SOX8: variants seen among roughly 807,000 people sequenced by gnomAD.
The protein encoded by SOX8 is SRY-box transcription factor 8.
SOX8 carries 9 observed loss-of-function variants against 22.9 expected under a neutral mutation model. The ratio of observed to expected loss-of-function variants is 0.39; its 90% confidence interval spans 0.24 to 0.69. SOX8 has a LOEUF of 0.69. Ranked by LOEUF, SOX8 falls within the 30% of genes least tolerant of loss-of-function variation. SOX8 has a pLI of 0.43. For synonymous variants in SOX8, 416 were observed against 330.6 expected (o/e 1.26, Z -2.80); for missense variants, 734 against 699.4 (o/e 1.05, Z -0.56).
intron 1 of SOX8, 61 bp downstream of exon 1, chr16:982,405 C>T: frequency 1.0e-5 from 13 of 1,283,224 alleles, no homozygotes; most frequent in Non-Finnish European, 1.3e-5. Flanking sequence ...TCTCGGACTG[C>T]GAGCGGGGGC....
rs748485053 is a variant in SOX8 at position 984,835 on chromosome 16, G to T, written c.790G>T (p.Val264Leu). 1 of 1,611,704 alleles carries T rather than the reference G, an allele frequency of 6.2e-7. No homozygotes were observed. Among genetic ancestry groups the T allele is most frequent in the Non-Finnish European group, 8.5e-7 (1 of 1,179,302 alleles). ...SGRQNIDFSN[V>L]DISELSSEVM... ...GCGCCAGAACATCGACTTCAGCAAC[G>T]TGGACATCTCGGAGCTCAGCAGCGA... Residue 264 changes from valine to leucine, a missense_variant, in exon 3 of 3, where the codon GTG (valine) becomes TTG (leucine). By Grantham distance (32) the Val-to-Leu change is conservative. Coordinates refer to ENST00000293894, the MANE Select transcript of SOX8 (RefSeq NM_014587.5).
chr16:983,609 GT>G (rs1327233088), intron 1 of SOX8, 118 bp from the exon 2 acceptor site: 2 of 914,862 alleles, frequency 2.2e-6, no homozygotes, highest in Non-Finnish European at 3.2e-6. Flanking sequence ...CGGCAGGCGG[GT>G]TTCCCTGGTC....
At chr16:984,637 T>C in intron 2 of SOX8, 64 bp from the exon 3 acceptor site, 4 of 1,094,662 alleles carry the variant, frequency 3.7e-6, no homozygotes, top group Non-Finnish European at 5.0e-6. Flanking sequence ...CCTTCCAGCC[T>C]GGCCGGCCCC....
In SOX8 at chr16:982,296, C is replaced by T; in HGVS notation, c.374C>T (p.Pro125Leu). The change falls in exon 1 of 3, where the codon CCG (proline) becomes CTG (leucine). Residue 125 changes from proline to leucine, a missense_variant. Transcript: ENST00000293894. ...AARRKLADQY[P>L]HLHNAELSKT... ...CGCCGCAAGCTGGCCGACCAGTACCCGCACCTGCACAACGCCGAGCTCAGC... is the reference window on the plus strand; with the variant it reads ...CGCCGCAAGCTGGCCGACCAGTACCTGCACCTGCACAACGCCGAGCTCAGC... 2 of 1,480,560 alleles carry T rather than the reference C, an allele frequency of 1.4e-6. No homozygotes were observed. Among genetic ancestry groups the T allele is most frequent in the Non-Finnish European group, 1.8e-6 (2 of 1,113,678 alleles). The allele number at this position is 1,480,560 out of a possible 1,614,324, so 91.7% of individuals were successfully genotyped here. A position where few individuals can be genotyped will look rare whatever the true frequency, so the allele number is the denominator to read the frequency against.
rs988186917 is a variant in SOX8 at position 984,912 on chromosome 16, G to A, written c.867G>A (p.Leu289=). 13 of 1,606,700 alleles carry A rather than the reference G, an allele frequency of 8.1e-6. No individual in the cohort carries two copies. The highest frequency in any genetic ancestry group is 1.1e-5 in the Non-Finnish European group (13 of 1,176,494). ...AFDVHEFDQY[L]PLGGPAPPEP... The stretch of plus-strand genomic sequence containing the variant: ...ACGTCCACGAGTTCGACCAGTACCT[G>A]CCCCTGGGCGGCCCCGCCCCACCCG... Residue 289 remains leucine (L), a synonymous_variant, in exon 3 of 3, where the codon CTG becomes CTA. Coordinates refer to ENST00000293894, the MANE Select transcript of SOX8 (RefSeq NM_014587.5).
Position 983,832 on chromosome 16 carries a change from G to C in SOX8, c.527G>C (p.Arg176Thr), listed in dbSNP as rs760421925. ...GACTACAAGTACCAGCCACGGCGCA[G>C]GAAGAGCGCCAAAGCCGGCCACAGC... Reference protein sequence around the residue: ...HPDYKYQPRRRKSAKAGHSDS... With the variant: ...HPDYKYQPRRTKSAKAGHSDS... The change falls in exon 2 of 3, where the codon AGG becomes ACG. Residue 176 changes from arginine (R) to threonine (T), a missense_variant. Around this residue, in one of 3 missense-constraint regions of SOX8, gnomAD observed 588 missense variants for 568.2 expected, o/e 1.03. Transcript: ENST00000293894. 6.8e-6 allele frequency: 11 copies of C among 1,612,706 alleles called. No homozygotes were observed. Among genetic ancestry groups the C allele is most frequent in the Non-Finnish European group, 8.5e-6 (10 of 1,179,832 alleles).
intron 1 of SOX8, chr16:983,454 T>A (rs564525440): frequency 3.9e-5 from 13 of 331,858 alleles, no homozygotes; most frequent in African/African-American, 1.9e-4. Flanking sequence ...AGGCCCGGAA[T>A]AGGGGGAAAT....
At chr16:983,423 G>A (rs923109603) in intron 1 of SOX8, 1 of 251,224 alleles carries the variant, frequency 4.0e-6, no homozygotes, top group Non-Finnish European at 7.5e-6. Flanking sequence ...CCCTTAGAAA[G>A]CCCCAGAGGG....
rs1407847078 is a variant in SOX8 at position 982,029 on chromosome 16, C to G, written c.107C>G (p.Pro36Arg). The G allele has an allele frequency of 1.3e-5, 18 of 1,382,854 alleles. No individual in the cohort carries two copies. The highest frequency in any genetic ancestry group is 1.7e-5 in the Non-Finnish European group (18 of 1,068,956). 85.7% of individuals were successfully genotyped at this position (1,382,854 alleles called of 1,614,324 possible). A position where few individuals can be genotyped will look rare whatever the true frequency, so the allele number is the denominator to read the frequency against. The change falls in exon 1 of 3, where the codon CCC becomes CGC. Residue 36 changes from proline to arginine, a missense_variant. Pro to Arg is a moderately radical substitution (Grantham distance 103, BLOSUM62 -2). Transcript: ENST00000293894. ...EDSDSDAPPSPAGSEGLGRAG... is the reference protein window; with the variant it reads ...EDSDSDAPPSRAGSEGLGRAG... The stretch of plus-strand genomic sequence containing the variant: ...TCGGACTCGGACGCGCCGCCGTCTC[C>G]CGCCGGCTCCGAGGGCCTGGGCCGC...
In SOX8 at chr16:985,562, C is replaced by A. The variant is rs1490404464; in HGVS notation, c.*176C>A. On this transcript the variant is annotated 3_prime_UTR_variant, in exon 3 of 3. Coordinates refer to ENST00000293894, the MANE Select transcript of SOX8 (RefSeq NM_014587.5). Reference sequence around the variant, plus strand: ...GGCCTCCAGATGGCCACACCTCTGCCGACGACGGACCAGCTCCCTCTCCCT... The same window carrying A: ...GGCCTCCAGATGGCCACACCTCTGCAGACGACGGACCAGCTCCCTCTCCCT... The A allele has an allele frequency of 3.6e-6, 2 of 554,094 alleles. No homozygotes were observed. The highest frequency in any genetic ancestry group is 6.3e-6 in the Non-Finnish European group (2 of 318,104). 34.3% of individuals were successfully genotyped at this position (554,094 alleles called of 1,614,324 possible). A position where few individuals can be genotyped will look rare whatever the true frequency, so the allele number is the denominator to read the frequency against.
At chr16:982,374 C>G (rs755542490) in intron 1 of SOX8, 30 bp downstream of exon 1, 3 of 1,319,560 alleles carry the variant, frequency 2.3e-6, no homozygotes, top group Non-Finnish European at 2.9e-6. Context: ...GGGCGGGGTT[C>G]GGGACCTTGG....
chr16:986,455 A>G lies in SOX8; in HGVS notation c.*1069A>G, dbSNP rs2073463142. 1 of 152,242 alleles carries G rather than the reference A, an allele frequency of 6.6e-6. No individual in the cohort carries two copies. Among genetic ancestry groups the G allele is most frequent in the Non-Finnish European group, 1.5e-5 (1 of 68,054 alleles). The allele number at this position is 152,242 out of a possible 1,614,324, so 9.4% of individuals were successfully genotyped here. A position where few individuals can be genotyped will look rare whatever the true frequency, so the allele number is the denominator to read the frequency against. On this transcript the variant is annotated 3_prime_UTR_variant, in exon 3 of 3. Coordinates refer to ENST00000293894, the MANE Select transcript of SOX8 (RefSeq NM_014587.5). Reference sequence around the variant, plus strand: ...CACAGGAATTCCTGGGTCCTTGCCCATGACTGTGCCATGTGGTAGGACACA... The same window carrying G: ...CACAGGAATTCCTGGGTCCTTGCCCGTGACTGTGCCATGTGGTAGGACACA...
In SOX8 at chr16:984,885, C is replaced by T. The variant is rs144569380; in HGVS notation, c.840C>T (p.Phe280=). 1.7e-5 allele frequency: 27 copies of T among 1,611,068 alleles called. No individual in the cohort carries two copies. Among genetic ancestry groups the T allele is most frequent in the African/African-American group, 2.7e-5 (2 of 74,826 alleles). ...SSEVMGTMDA[F]DVHEFDQYLP... ...AGGTCATGGGCACCATGGACGCCTTCGACGTCCACGAGTTCGACCAGTACC... is the reference window on the plus strand; with the variant it reads ...AGGTCATGGGCACCATGGACGCCTTTGACGTCCACGAGTTCGACCAGTACC... Residue 280 remains phenylalanine (F), a synonymous_variant, in exon 3 of 3, where the codon TTC becomes TTT. Transcript: ENST00000293894.
At chr16:982,692 CCCCGGGAGG>C in intron 1 of SOX8, 1 of 240,948 alleles carries the variant, frequency 4.2e-6, no homozygotes, top group Non-Finnish European at 8.0e-6. Context: ...GTGGCCCCAG[CCCCGGGAGG>C]CACGCCCGGC....
At position 985,461 on chromosome 16, in the gene SOX8, G is replaced by A. The variant is rs1367112282; in HGVS notation, c.*75G>A. ...CCGGCCCAGTGTGTGTGACCAGGGCGGGAGGGGCCCCAGTGGCTGAGCTCC... is the reference window on the plus strand; with the variant it reads ...CCGGCCCAGTGTGTGTGACCAGGGCAGGAGGGGCCCCAGTGGCTGAGCTCC... On this transcript the variant is annotated 3_prime_UTR_variant, in exon 3 of 3. Transcript: ENST00000293894. 1.2e-5 allele frequency: 15 copies of A among 1,266,668 alleles called. No individual in the cohort carries two copies. Among genetic ancestry groups the A allele is most frequent in the South Asian group, 6.4e-5 (4 of 62,016 alleles). The allele number at this position is 1,266,668 out of a possible 1,614,324, so 78.5% of individuals were successfully genotyped here. A position where few individuals can be genotyped will look rare whatever the true frequency, so the allele number is the denominator to read the frequency against.
chr16:983,613 C>A, intron 1 of SOX8, 115 bp from the exon 2 acceptor site: 1 of 966,960 alleles, frequency 1.0e-6, no homozygotes, highest in Non-Finnish European at 1.5e-6. Context: ...AGGCGGGTTT[C>A]CCTGGTCAGA....
rs779030231 is a variant in SOX8, at chr16:985,232, C to G, written c.1187C>G (p.Pro396Arg). 4.3e-6 allele frequency: 7 copies of G among 1,612,114 alleles called. No homozygotes were observed. The highest frequency in any genetic ancestry group is 5.9e-6 in the Non-Finnish European group (7 of 1,179,620). ...GCCTCCAGCTACTATGGTGCCTACC[C>G]TGGCTACGCACCCGGCCTCTACCAG... The part of the protein sequence containing the change: ...LQASSYYGAY[P>R]GYAPGLYQYP... Residue 396 changes from proline to arginine, a missense_variant, in exon 3 of 3, where the codon CCT (proline) becomes CGT (arginine). Physicochemically the swap from Pro to Arg is moderately radical, Grantham distance 103. Coordinates refer to ENST00000293894, the MANE Select transcript of SOX8 (RefSeq NM_014587.5).
At chr16:984,296 G>A (rs2073434962) in intron 2 of SOX8, among the ~76,000 whole-genome samples, 1 of 152,228 alleles carries the variant, frequency 6.6e-6, no homozygotes, top group Non-Finnish European at 1.5e-5. Flanking sequence ...CAGCTTCAGG[G>A]CCAGACTGAC....
Position 981,802 on chromosome 16 carries a change from G to GGCGGCGGCT in SOX8, c.-119_-118insGGCGGCTGC. ...GAGCCTCGGCGGCGGCGGCGGCGGC[G>GGCGGCGGCT]GCAGGGGCGAGGGTCGGGGCCACCG... On this transcript the variant is annotated 5_prime_UTR_variant, in exon 1 of 3. Transcript: ENST00000293894. 2.6e-6 allele frequency: 1 copy of GGCGGCGGCT among 388,730 alleles called. No individual in the cohort carries two copies. Among genetic ancestry groups the GGCGGCGGCT allele is most frequent in the Non-Finnish European group, 3.5e-6 (1 of 282,612 alleles). The allele number at this position is 388,730 out of a possible 1,614,324, so 24.1% of individuals were successfully genotyped here.
Sources: gnomAD v4.1 joint callset for allele counts (sites outside exome capture counted in the v4.1 genomes callset) on GRCh38, gnomAD v4.1.1 for gene constraint, gnomAD v4.1.1 regional missense constraint, MANE v1.5 for transcripts, NCBI Gene and HGNC (gene_info 2026-07-23, HGNC 2026-07-21) for gene names.